The following COL22A1 variants were observed in gnomAD, a reference collection of about 807,000 sequenced individuals.
The protein encoded by COL22A1 is collagen alpha-1(XXII) chain.
COL22A1 carries 221 observed loss-of-function variants against 248.9 expected under a neutral mutation model. The ratio of observed to expected loss-of-function variants is 0.89; its 90% CI spans 0.80 to 0.99. The LOEUF (loss-of-function observed/expected upper bound fraction) is 0.99, where lower values mean the gene tolerates loss of function less well. COL22A1 is among the 50% of genes least tolerant of loss of function. The probability of loss-of-function intolerance (pLI) is 0.00; values close to 1 mark genes in which losing one functional copy is unlikely to be tolerated. For missense variants in COL22A1, 2,240 were observed against 2,179.0 expected, an observed-to-expected ratio of 1.03 and a Z score of -0.56; for synonymous variants, 891 against 793.4, an observed-to-expected ratio of 1.12 and a Z score of -2.07.
At chr8:138,706,754 A>T (rs190900708) in intron 30 of COL22A1, among the ~76,000 whole-genome samples, 1 of 152,324 alleles carries the variant, frequency 6.6e-6, no homozygotes, top group Non-Finnish European at 1.5e-5. Context: ...AAACACATTC[A>T]AAAGCTAGCA....
At chr8:138,628,581 C>T (rs748295260) in intron 50 of COL22A1, among the ~76,000 whole-genome samples, 6 of 152,136 alleles carry the variant, frequency 3.9e-5, no homozygotes, top group Non-Finnish European at 7.3e-5. Flanking sequence ...ACTACCAGTG[C>T]TCACTGGGCA....
chr8:138,653,913 C>T (rs907999645), intron 45 of COL22A1, among the ~76,000 whole-genome samples: 1 of 152,196 alleles, frequency 6.6e-6, no homozygotes, highest in Non-Finnish European at 1.5e-5. Flanking sequence ...TATAGAATTT[C>T]CAGGCAAAGC....
At chr8:138,646,719 A>G in intron 46 of COL22A1, 37 bp from the exon 47 acceptor site, 1 of 1,468,310 alleles carries the variant, frequency 6.8e-7, no homozygotes, top group Non-Finnish European at 9.2e-7. Flanking sequence ...AGAAAACAAG[A>G]ATGAGTATCA....
Position 138,623,724 on chromosome 8 carries a change from T to C in COL22A1, c.3771+8A>G, listed in dbSNP as rs200044192. ...ATGTGATATAATAGGAAGTTTAGAG[T>C]CCTTTACCGGCTCTCCAGGGGGACC... is the stretch of plus-strand genomic sequence containing the variant. On this transcript the variant is annotated splice_region_variant and intron_variant, in intron 52 of 64. Transcript: ENST00000303045. 22 of 1,609,084 alleles carry C rather than the reference T, an allele frequency of 1.4e-5. No homozygotes were observed. Among genetic ancestry groups the C allele is most frequent in the Non-Finnish European group, 1.9e-5 (22 of 1,178,320 alleles).
At chr8:138,863,279 A>G (rs971276597) in intron 3 of COL22A1, among the ~76,000 whole-genome samples, 2 of 152,162 alleles carry the variant, frequency 1.3e-5, no homozygotes, top group Non-Finnish European at 2.9e-5. Context: ...CCATCTAGGG[A>G]CAGCATAGCA....
chr8:138,700,005 G>T, intron 32 of COL22A1, 107 bp downstream of exon 32: 2 of 1,033,388 alleles, frequency 1.9e-6, no homozygotes, highest in South Asian at 1.4e-5. Context: ...TGATGAACGC[G>T]ATGGGGCTGA....
chr8:138,701,622 T>A (rs1827983943), intron 31 of COL22A1, among the ~76,000 whole-genome samples: 1 of 152,246 alleles, frequency 6.6e-6, no homozygotes, highest in South Asian at 2.1e-4. Context: ...GATGATTACT[T>A]ACAGCCATTG....
intron 23 of COL22A1, among the ~76,000 whole-genome samples, chr8:138,734,715 C>G (rs535978556): frequency 1.3e-5 from 2 of 152,292 alleles, no homozygotes; most frequent in African/African-American, 4.8e-5. Context: ...ACCGTAAAGA[C>G]ACATGCACAC....
At chr8:138,656,277 C>G (rs756638149) in intron 44 of COL22A1, among the ~76,000 whole-genome samples, 1 of 152,154 alleles carries the variant, frequency 6.6e-6, no homozygotes, top group Admixed American at 6.5e-5. Flanking sequence ...ATATGAGTAC[C>G]GTGGGAGGCA....
intron 39 of COL22A1, 25 bp downstream of exon 39, chr8:138,684,398 CCA>C (rs756087702): frequency 6.4e-7 from 1 of 1,562,712 alleles, no homozygotes; most frequent in Non-Finnish European, 8.8e-7. Flanking sequence ...CTCGTGGCAC[CCA>C]CAGTTTTCTT....
At chr8:138,726,498 C>CAAAAAAAAAAAAAAAAAAAAAAAA (rs371982028) in intron 23 of COL22A1, among the ~76,000 whole-genome samples, 1 of 95,616 alleles carries the variant, frequency 1.0e-5, no homozygotes, top group African/African-American at 3.9e-5. Context: ...CCTGTATCTA[C>CAAAAAAAAAAAAAAAAAAAAAAAA]AAAAAAAAAA....
At chr8:138,781,630 G>A (rs1340321325) in intron 12 of COL22A1, among the ~76,000 whole-genome samples, 1 of 152,148 alleles carries the variant, frequency 6.6e-6, no homozygotes, top group Admixed American at 6.5e-5. Context: ...GGAAGTTGGG[G>A]GCTAGACCAG....
At chr8:138,727,133 G>A (rs991786583) in intron 23 of COL22A1, among the ~76,000 whole-genome samples, 3 of 152,130 alleles carry the variant, frequency 2.0e-5, no homozygotes, top group Non-Finnish European at 2.9e-5. Context: ...CAGTGGCTCT[G>A]ATTTTCTAAA....
At chr8:138,891,849 G>A (rs917966623) in intron 1 of COL22A1, among the ~76,000 whole-genome samples, 2 of 152,236 alleles carry the variant, frequency 1.3e-5, no homozygotes, top group African/African-American at 4.8e-5. Flanking sequence ...AGCATTGAAA[G>A]AGAAGGAAAA....
intron 16 of COL22A1, among the ~76,000 whole-genome samples, chr8:138,771,466 C>T (rs751147287): frequency 2.9e-4 from 44 of 152,302 alleles, no homozygotes; most frequent in Non-Finnish European, 4.7e-4. Context: ...AGTTCTCCCC[C>T]GGCTTCTCTA....
At chr8:138,870,101 G>A (rs773437075) in intron 3 of COL22A1, among the ~76,000 whole-genome samples, 9 of 152,010 alleles carry the variant, frequency 5.9e-5, no homozygotes, top group Non-Finnish European at 1.3e-4. Flanking sequence ...TGCATGTGGT[G>A]TGTGTGGAGC....
At chr8:138,892,523 T>C (rs933269332) in intron 1 of COL22A1, among the ~76,000 whole-genome samples, 12 of 152,134 alleles carry the variant, frequency 7.9e-5, no homozygotes, top group African/African-American at 2.9e-4. Flanking sequence ...TGGGGTACCA[T>C]TATTCCATCT....
At chr8:138,807,871 A>C in intron 9 of COL22A1, 59 bp from the exon 10 acceptor site, 1 of 1,554,762 alleles carries the variant, frequency 6.4e-7, no homozygotes, top group Non-Finnish European at 8.9e-7. Flanking sequence ...CTTTCTCTCA[A>C]CACTGGATGG....
chr8:138,852,729 A>T (rs1821736020), intron 3 of COL22A1, among the ~76,000 whole-genome samples: 2 of 152,124 alleles, frequency 1.3e-5, no homozygotes, highest in Non-Finnish European at 2.9e-5. Flanking sequence ...AAGGAGACTG[A>T]GAAGGGGTGG....
Sources: allele counts gnomAD v4.1 joint callset (sites outside exome capture counted in the v4.1 genomes callset), GRCh38; gene constraint gnomAD v4.1.1; transcripts MANE v1.5; gene names NCBI Gene and HGNC (gene_info 2026-07-23, HGNC 2026-07-21).